CYP27A1: variants seen among roughly 807,000 people sequenced by gnomAD.
CYP27A1 encodes sterol 26-hydroxylase, mitochondrial.
CYP27A1 carries 46 observed loss-of-function variants against 58.2 expected under a neutral mutation model. That is an observed-to-expected ratio of 0.79 (90% CI 0.62 to 1.01). CYP27A1 has a LOEUF of 1.01. Ranked by LOEUF, CYP27A1 falls within the 50% of genes least tolerant of loss-of-function variation. The pLI, the probability that CYP27A1 is intolerant of heterozygous loss-of-function variation, is 0.00. For synonymous variants in CYP27A1, 274 were observed against 285.1 expected, an observed-to-expected ratio of 0.96 and a Z score of 0.39; for missense variants, 704 against 687.0, an observed-to-expected ratio of 1.02 and a Z score of -0.28.
rs575705254 is a variant in CYP27A1, at chr2:218,785,275, G to C, written c.255+2838G>C. ...ATCTGACAGGAGGCAGAGCTCAGGT[G>C]GTCATGTGAGTGATGGGGAGTGGCT... On this transcript the variant is annotated intron_variant, in intron 1 of 8. Transcript: ENST00000258415. 5.3e-4 allele frequency among the ~76,000 whole-genome samples: 81 copies of C among 152,262 alleles called. No homozygotes were observed. In the South Asian group the frequency reaches 0.017, roughly 31 times the overall value.
rs754310499 is a variant in CYP27A1 at position 218,812,338 on chromosome 2, G to C, written c.563G>C (p.Arg188Pro). 6.2e-7 allele frequency: 1 copy of C among 1,614,046 alleles called. No individual in the cohort carries two copies. Among genetic ancestry groups the C allele is most frequent in the Non-Finnish European group, 8.5e-7 (1 of 1,180,026 alleles). The change falls in exon 3 of 9, where the codon CGA becomes CCA. Residue 188 changes from arginine to proline, a missense_variant. Arg to Pro is a moderately radical substitution (Grantham distance 103). Transcript: ENST00000258415. The stretch of plus-strand genomic sequence containing the variant: ...GAGGTGATTGATGACTTTATGACTC[G>C]ACTGGACCAGCTGCGGGCAGAGAGT... ...FNEVIDDFMT[R>P]LDQLRAESAS...
chr2:218,793,064 A>G (rs1398694729), intron 1 of CYP27A1, among the ~76,000 whole-genome samples: 3 of 152,328 alleles, frequency 2.0e-5, no homozygotes, highest in East Asian at 3.9e-4. Context: ...GATAATTAAA[A>G]GATTCTTTTT....
At chr2:218,792,134 A>T (rs1374691214) in intron 1 of CYP27A1, among the ~76,000 whole-genome samples, 2 of 152,140 alleles carry the variant, frequency 1.3e-5, no homozygotes. Context: ...TGGAATGCAG[A>T]ACTTTTAATA....
chr2:218,783,445 T>C (rs1943414546), intron 1 of CYP27A1, among the ~76,000 whole-genome samples: 5 of 152,076 alleles, frequency 3.3e-5, no homozygotes, highest in East Asian at 1.9e-4. Flanking sequence ...CACTGACCAA[T>C]GTTGGAGAGG....
At chr2:218,785,225 C>G (rs992684106) in intron 1 of CYP27A1, among the ~76,000 whole-genome samples, 1 of 152,042 alleles carries the variant, frequency 6.6e-6, no homozygotes, top group Non-Finnish European at 1.5e-5. Flanking sequence ...GTTTGTGCTC[C>G]TATGAGAATC....
chr2:218,815,276 C>A lies in CYP27A1; in HGVS notation c.*246C>A, dbSNP rs973719323. ...TTGGGTAGAATATAAAATAAAGGGA[C>A]TTTTATTTCTTATTGGAGACCTTTG... On this transcript the variant is annotated 3_prime_UTR_variant, in exon 9 of 9. Coordinates refer to ENST00000258415, the MANE Select transcript of CYP27A1 (RefSeq NM_000784.4). 2.6e-5 allele frequency: 13 copies of A among 508,772 alleles called. No individual in the cohort carries two copies. The highest frequency in any genetic ancestry group is 4.6e-5 in the Non-Finnish European group (13 of 280,160). 31.5% of individuals were successfully genotyped at this position (508,772 alleles called of 1,614,324 possible).
chr2:218,813,026 C>T lies in CYP27A1; in HGVS notation c.947C>T (p.Ala316Val). Residue 316 changes from alanine (A) to valine (V), a missense_variant, in exon 5 of 9, where the codon GCC (alanine) becomes GTC (valine). Ala to Val is a moderately conservative substitution (Grantham distance 64, BLOSUM62 0). Coordinates refer to ENST00000258415, the MANE Select transcript of CYP27A1 (RefSeq NM_000784.4). ...QVSGYLHFLL[A>V]SGQLSPREAM... ...TCTGGCTACCTGCACTTCTTACTGG[C>T]CAGTGGACAGCTCAGTCCTCGGGAG... 1 of 1,614,184 alleles carries T rather than the reference C, an allele frequency of 6.2e-7. No homozygotes were observed. The highest frequency in any genetic ancestry group is 8.5e-7 in the Non-Finnish European group (1 of 1,180,030).
intron 1 of CYP27A1, among the ~76,000 whole-genome samples, chr2:218,800,200 T>C (rs972439801): frequency 6.6e-6 from 1 of 152,054 alleles, no homozygotes; most frequent in Non-Finnish European, 1.5e-5. Flanking sequence ...CTGAGGAAGA[T>C]GGGGAGGCCA....
intron 1 of CYP27A1, among the ~76,000 whole-genome samples, chr2:218,786,326 G>T (rs1172194022): frequency 1.3e-5 from 2 of 152,158 alleles, no homozygotes; most frequent in Non-Finnish European, 2.9e-5. Context: ...ACCCAAACCA[G>T]GTGTCTGCCA....
chr2:218,797,356 T>G (rs943268681), intron 1 of CYP27A1, among the ~76,000 whole-genome samples: 1 of 152,116 alleles, frequency 6.6e-6, no homozygotes, highest in African/African-American at 2.4e-5. Flanking sequence ...CTACCTTGCC[T>G]CCCAAAGTGC....
intron 2 of CYP27A1, 31 bp from the exon 3 acceptor site, chr2:218,812,191 A>G: frequency 6.3e-7 from 1 of 1,587,200 alleles, no homozygotes; most frequent in East Asian, 2.2e-5. Flanking sequence ...ATAGAGGCTT[A>G]TCTTTGTGCT....
At chr2:218,806,391 GA>G (rs1451934957) in intron 1 of CYP27A1, among the ~76,000 whole-genome samples, 1 of 152,212 alleles carries the variant, frequency 6.6e-6, no homozygotes, top group Non-Finnish European at 1.5e-5. Context: ...AATGTCTAGA[GA>G]CATCTGTGGT....
In CYP27A1 at chr2:218,812,293, T is replaced by C. The variant is rs1378044084; in HGVS notation, c.518T>C (p.Leu173Pro). Reference sequence around the variant, plus strand: ...TTGCTGAAGCCAGCGGAAGCAGCGCTCTATACGGATGCTTTCAATGAGGTG... The same window carrying C: ...TTGCTGAAGCCAGCGGAAGCAGCGCCCTATACGGATGCTTTCAATGAGGTG... Reference protein sequence around the residue: ...QRLLKPAEAALYTDAFNEVID... With the variant: ...QRLLKPAEAAPYTDAFNEVID... The change falls in exon 3 of 9, where the codon CTC becomes CCC. Residue 173 changes from leucine to proline, a missense_variant. Physicochemically the swap from Leu to Pro is moderately conservative, Grantham distance 98 (BLOSUM62 -3). Coordinates refer to ENST00000258415, the MANE Select transcript of CYP27A1 (RefSeq NM_000784.4). 5.0e-6 allele frequency: 8 copies of C among 1,614,088 alleles called. No homozygotes were observed. Among genetic ancestry groups the C allele is most frequent in the African/African-American group, 4.0e-5 (3 of 74,924 alleles).
At chr2:218,808,407 G>C (rs1013267510) in intron 1 of CYP27A1, among the ~76,000 whole-genome samples, 1 of 152,120 alleles carries the variant, frequency 6.6e-6, no homozygotes, top group African/African-American at 2.4e-5. Flanking sequence ...GTGATGTCTG[G>C]GTATATGGGT....
chr2:218,806,281 G>T (rs896988716), intron 1 of CYP27A1, among the ~76,000 whole-genome samples: 2 of 152,176 alleles, frequency 1.3e-5, no homozygotes, highest in Non-Finnish European at 2.9e-5. Context: ...TTTTAAACAG[G>T]TCTTCTAAAA....
At chr2:218,808,832 C>A in intron 1 of CYP27A1, among the ~76,000 whole-genome samples, 1 of 152,156 alleles carries the variant, frequency 6.6e-6, no homozygotes, top group East Asian at 1.9e-4. Flanking sequence ...ATAGCAATGT[C>A]AATTTCATAG....
chr2:218,813,177 G>C, intron 5 of CYP27A1, 81 bp downstream of exon 5: 1 of 1,308,902 alleles, frequency 7.6e-7, no homozygotes, highest in East Asian at 2.3e-5. Flanking sequence ...ACCTGATCCC[G>C]ACCTTCATCC....
intron 1 of CYP27A1, among the ~76,000 whole-genome samples, chr2:218,798,644 A>G (rs186660677): frequency 0.019 from 2,857 of 152,274 alleles, 37 homozygotes; most frequent in Non-Finnish European, 0.03. Context: ...GCACTTTGGG[A>G]GGCTGAGGCG....
At chr2:218,805,208 C>G (rs1943638926) in intron 1 of CYP27A1, among the ~76,000 whole-genome samples, 1 of 152,194 alleles carries the variant, frequency 6.6e-6, no homozygotes, top group South Asian at 2.1e-4. Flanking sequence ...GATTGTTCTT[C>G]CAGGTTCTTA....
Sources: allele counts gnomAD v4.1 joint callset (sites outside exome capture counted in the v4.1 genomes callset), GRCh38; gene constraint gnomAD v4.1.1; transcripts MANE v1.5; gene names NCBI Gene and HGNC (gene_info 2026-07-23, HGNC 2026-07-21).